The following HEMK2 variants were observed in gnomAD, a reference collection of about 807,000 sequenced individuals.
The protein encoded by HEMK2 is methyltransferase HEMK2.
the HEMK2 span, among the ~76,000 whole-genome samples, chr21:28,647,508 CAAAAAAA>C: frequency 1.2e-4 from 13 of 111,866 alleles, no homozygotes; most frequent in South Asian, 3.4e-4. Context: ...AACTCCATCT[CAAAAAAA>C]AAAAAAAAAA....
the HEMK2 span, among the ~76,000 whole-genome samples, chr21:28,598,018 G>A: frequency 3.9e-5 from 6 of 152,082 alleles, no homozygotes; most frequent in Admixed American, 3.9e-4. Context: ...ACTGAGGAAG[G>A]GAAAAGAAAG....
chr21:28,848,597 A>G, the HEMK2 span, among the ~76,000 whole-genome samples: 1 of 151,962 alleles, frequency 6.6e-6, no homozygotes, highest in Non-Finnish European at 1.5e-5. Flanking sequence ...ATGTTTTCTA[A>G]TTTTAATACA....
the HEMK2 span, among the ~76,000 whole-genome samples, chr21:28,844,615 A>T: frequency 4.1e-4 from 62 of 152,204 alleles, no homozygotes; most frequent in African/African-American, 1.4e-3. Flanking sequence ...ATATATTTTT[A>T]AATTTAATAG....
the HEMK2 span, among the ~76,000 whole-genome samples, chr21:28,780,175 C>T: frequency 6.6e-6 from 1 of 151,608 alleles, no homozygotes; most frequent in Non-Finnish European, 1.5e-5. Flanking sequence ...GAAGACTGAC[C>T]TAAACAATTT....
chr21:28,618,130 T>C, the HEMK2 span, among the ~76,000 whole-genome samples: 6 of 152,258 alleles, frequency 3.9e-5, no homozygotes, highest in African/African-American at 1.4e-4. Context: ...ACAAACAGAA[T>C]CAAGAGCTAT....
At chr21:28,637,926 T>G in the HEMK2 span, among the ~76,000 whole-genome samples, 2 of 152,158 alleles carry the variant, frequency 1.3e-5, no homozygotes, top group Non-Finnish European at 2.9e-5. Flanking sequence ...AGGAGAAAAA[T>G]AGAATTTATA....
At chr21:28,870,961 G>A in the HEMK2 span, among the ~76,000 whole-genome samples, 1 of 152,086 alleles carries the variant, frequency 6.6e-6, no homozygotes, top group South Asian at 2.1e-4. Context: ...TTCTATATTA[G>A]TCTATTATAT....
At chr21:28,806,846 G>T in the HEMK2 span, among the ~76,000 whole-genome samples, 1 of 152,128 alleles carries the variant, frequency 6.6e-6, no homozygotes, top group Non-Finnish European at 1.5e-5. Flanking sequence ...ATGCTTCAGA[G>T]TGACCATGGC....
the HEMK2 span, among the ~76,000 whole-genome samples, chr21:28,591,776 C>T: frequency 6.6e-6 from 1 of 152,122 alleles, no homozygotes; most frequent in South Asian, 2.1e-4. Context: ...CATCTAGCTC[C>T]TACTTATAAA....
At chr21:28,683,338 G>A in the HEMK2 span, among the ~76,000 whole-genome samples, 2 of 152,134 alleles carry the variant, frequency 1.3e-5, no homozygotes, top group Non-Finnish European at 2.9e-5. Context: ...AAAGCAAAAT[G>A]TATGAACGCT....
chr21:28,760,953 T>C, the HEMK2 span, among the ~76,000 whole-genome samples: 2 of 152,198 alleles, frequency 1.3e-5, no homozygotes, highest in African/African-American at 4.8e-5. Context: ...CCTTTTGTCA[T>C]AGATCTATTC....
the HEMK2 span, chr21:28,577,153 C>T: frequency 6.6e-6 from 1 of 152,172 alleles, no homozygotes. Flanking sequence ...AGCCACTTAC[C>T]TTAATAGAAA....
the HEMK2 span, chr21:28,626,584 C>T: frequency 2.0e-5 from 3 of 152,154 alleles, no homozygotes; most frequent in Non-Finnish European, 4.4e-5. Context: ...GTGGCTCATA[C>T]CTGTAATCCC....
At chr21:28,828,845 C>A in the HEMK2 span, among the ~76,000 whole-genome samples, 1 of 152,134 alleles carries the variant, frequency 6.6e-6, no homozygotes, top group South Asian at 2.1e-4. Context: ...ATTCATTAAG[C>A]CTTAGAATAG....
chr21:28,829,132 C>T, the HEMK2 span, among the ~76,000 whole-genome samples: 3 of 152,142 alleles, frequency 2.0e-5, no homozygotes, highest in Admixed American at 6.5e-5. Flanking sequence ...TCATTTTTAA[C>T]GATTTTGATG....
chr21:28,593,229 T>C, the HEMK2 span, among the ~76,000 whole-genome samples: 2 of 152,126 alleles, frequency 1.3e-5, no homozygotes, highest in Non-Finnish European at 2.9e-5. Context: ...TAAATTACTT[T>C]CAGGCTATTT....
chr21:28,661,384 T>C, the HEMK2 span, among the ~76,000 whole-genome samples: 1 of 152,070 alleles, frequency 6.6e-6, no homozygotes, highest in African/African-American at 2.4e-5. Context: ...ACTTTATTTA[T>C]GCAATATTTC....
At chr21:28,587,921 A>G in the HEMK2 span, among the ~76,000 whole-genome samples, 2 of 152,254 alleles carry the variant, frequency 1.3e-5, no homozygotes, top group Admixed American at 6.5e-5. Context: ...ATATATGCAG[A>G]GAGCATTTTG....
chr21:28,710,801 T>C, the HEMK2 span, among the ~76,000 whole-genome samples: 1 of 152,220 alleles, frequency 6.6e-6, no homozygotes, highest in East Asian at 1.9e-4. Flanking sequence ...ATGTATAGTA[T>C]TTTTGCTATT....
Sources: gnomAD v4.1 joint callset for allele counts (sites outside exome capture counted in the v4.1 genomes callset) on GRCh38, gnomAD v4.1.1 for gene constraint, MANE v1.5 for transcripts, NCBI Gene and HGNC (gene_info 2026-07-23, HGNC 2026-07-21) for gene names.